The following UNC13C variants were observed in gnomAD, a reference collection of about 807,000 sequenced individuals.
UNC13C encodes the protein protein unc-13 homolog C.
In UNC13C, 174 loss-of-function variants were observed where a neutral mutation model predicts 245.4. The ratio of observed to expected loss-of-function variants is 0.71; its 90% confidence interval spans 0.63 to 0.80. UNC13C has a LOEUF of 0.80. UNC13C is among the 30% of genes least tolerant of loss of function. UNC13C has a pLI of 0.00. For synonymous variants in UNC13C, 992 were observed against 895.1 expected, an observed-to-expected ratio of 1.11 and a Z score of -1.93; for missense variants, 2,829 against 2,602.9, an observed-to-expected ratio of 1.09 and a Z score of -1.89.
At chr15:54,231,160 C>G (rs2035540745) in intron 4 of UNC13C, among the ~76,000 whole-genome samples, 2 of 152,008 alleles carry the variant, frequency 1.3e-5, no homozygotes. Flanking sequence ...ATAATACTTT[C>G]CTGAAATACA....
chr15:54,013,093 A>G lies in UNC13C; in HGVS notation c.190A>G (p.Lys64Glu), dbSNP rs1895454208. 1 of 1,613,938 alleles carries G rather than the reference A, an allele frequency of 6.2e-7. No homozygotes were observed. Among genetic ancestry groups the G allele is most frequent in the Non-Finnish European group, 8.5e-7 (1 of 1,179,868 alleles). ...TTCTTACACTTTTAAAAGCACTGTA[A>G]AGAAGATTGCAAAGTGTTCATCCAC... is the stretch of plus-strand genomic sequence containing the variant. Reference protein sequence around the residue: ...KFSYTFKSTVKKIAKCSSTHN... With the variant: ...KFSYTFKSTVEKIAKCSSTHN... The change falls in exon 2 of 33, where the codon AAG becomes GAG. Residue 64 changes from lysine (K) to glutamate (E), a missense_variant. Transcript: ENST00000260323.
At chr15:54,000,633 C>T (rs1278497586) in intron 1 of UNC13C, among the ~76,000 whole-genome samples, 1 of 152,130 alleles carries the variant, frequency 6.6e-6, no homozygotes, top group East Asian at 1.9e-4. Context: ...CCACTAATTA[C>T]TAAACCCAGT....
chr15:54,055,715 A>C (rs1404577783), intron 2 of UNC13C, among the ~76,000 whole-genome samples: 1 of 152,204 alleles, frequency 6.6e-6, no homozygotes, highest in Non-Finnish European at 1.5e-5. Context: ...TTTTGGAATA[A>C]ATTTATCCCT....
intron 18 of UNC13C, among the ~76,000 whole-genome samples, chr15:54,408,199 C>CAAACAAA (rs2040342653): frequency 5.1e-4 from 15 of 29,130 alleles, no homozygotes; most frequent in Non-Finnish European, 9.8e-4. Flanking sequence ...GACTCTGCCT[C>CAAACAAA]AAAAAAAAAA....
At chr15:53,853,838 GTTGT>G in the UNC13C span, among the ~76,000 whole-genome samples, 2 of 152,016 alleles carry the variant, frequency 1.3e-5, no homozygotes, top group Non-Finnish European at 2.9e-5. Context: ...TTTTAATGGG[GTTGT>G]TTGTTTTTTT....
intron 11 of UNC13C, among the ~76,000 whole-genome samples, chr15:54,295,472 G>GTTGTTTTTTTA (rs1259379548): frequency 6.6e-6 from 1 of 151,910 alleles, no homozygotes; most frequent in Non-Finnish European, 1.5e-5. Context: ...AACATAGTGA[G>GTTGTTTTTTTA]ACCCATCTCT....
At chr15:54,238,264 G>C (rs2035760685) in intron 7 of UNC13C, among the ~76,000 whole-genome samples, 1 of 151,928 alleles carries the variant, frequency 6.6e-6, no homozygotes, top group African/African-American at 2.4e-5. Flanking sequence ...TAGTAGAGAT[G>C]GGGTTTCACC....
At chr15:54,260,236 A>T (rs1370077072) in intron 8 of UNC13C, among the ~76,000 whole-genome samples, 1 of 152,178 alleles carries the variant, frequency 6.6e-6, no homozygotes, top group African/African-American at 2.4e-5. Context: ...ATTTGCTTGG[A>T]ATCAGCTGTT....
At chr15:54,088,199 T>C (rs1017165892) in intron 2 of UNC13C, among the ~76,000 whole-genome samples, 3 of 113,640 alleles carry the variant, frequency 2.6e-5, no homozygotes, top group Admixed American at 1.3e-4. Context: ...GGCTTCCTTT[T>C]CCTTTTTTTT....
chr15:54,223,423 G>C (rs2035285469), intron 4 of UNC13C, among the ~76,000 whole-genome samples: 2 of 151,880 alleles, frequency 1.3e-5, no homozygotes, highest in Admixed American at 1.3e-4. Context: ...TTTGTTTCTG[G>C]GTTCTCTATT....
chr15:54,171,964 A>T (rs1252549768), intron 4 of UNC13C, among the ~76,000 whole-genome samples: 1 of 152,112 alleles, frequency 6.6e-6, no homozygotes, highest in South Asian at 2.1e-4. Context: ...GTTACCATGG[A>T]TGCCAGTGGA....
chr15:54,590,706 G>T (rs995592142), intron 30 of UNC13C, among the ~76,000 whole-genome samples: 2 of 152,152 alleles, frequency 1.3e-5, no homozygotes, highest in African/African-American at 4.8e-5. Context: ...AGTCCTTAGG[G>T]TTTTTAAGGT....
intron 2 of UNC13C, among the ~76,000 whole-genome samples, chr15:54,078,770 G>A (rs965300871): frequency 6.6e-6 from 1 of 151,818 alleles, no homozygotes; most frequent in Non-Finnish European, 1.5e-5. Flanking sequence ...CTATTCTGTA[G>A]GCTGCTTCCT....
chr15:54,322,072 C>G lies in UNC13C; in HGVS notation c.4402C>G (p.Arg1468Gly). ...STNIQVSASDRFAATNFGREK... is the reference protein window; with the variant it reads ...STNIQVSASDGFAATNFGREK... ...AAACATACAGGTTTCTGCCTCAGAT[C>G]GATTTGCTGCTACCAACTTTGGTGT... The change falls in exon 14 of 33, where the codon CGA becomes GGA. Residue 1468 changes from arginine to glycine, a missense_variant. By Grantham distance (125) the Arg-to-Gly change is moderately radical (BLOSUM62 -2). Coordinates refer to ENST00000260323, the MANE Select transcript of UNC13C (RefSeq NM_001080534.3). 2.5e-6 allele frequency: 4 copies of G among 1,580,550 alleles called. No homozygotes were observed. Among genetic ancestry groups the G allele is most frequent in the Non-Finnish European group, 3.4e-6 (4 of 1,163,370 alleles).
chr15:54,278,753 G>A (rs574236173), intron 10 of UNC13C, among the ~76,000 whole-genome samples: 2 of 152,022 alleles, frequency 1.3e-5, no homozygotes, highest in Admixed American at 6.5e-5. Context: ...TTACACAATC[G>A]AGCCATGTGA....
intron 2 of UNC13C, among the ~76,000 whole-genome samples, chr15:54,019,613 C>A (rs1388978259): frequency 3.3e-5 from 5 of 152,120 alleles, no homozygotes; most frequent in African/African-American, 4.8e-5. Context: ...AGCAGAAGAC[C>A]AAAAATCTTG....
At chr15:54,156,845 A>G (rs539358098) in intron 4 of UNC13C, among the ~76,000 whole-genome samples, 1 of 151,654 alleles carries the variant, frequency 6.6e-6, no homozygotes, top group African/African-American at 2.4e-5. Flanking sequence ...ATAATTTTTG[A>G]AAGGCACCTA....
chr15:54,394,683 C>G (rs2040034527), intron 18 of UNC13C, among the ~76,000 whole-genome samples: 1 of 151,828 alleles, frequency 6.6e-6, no homozygotes, highest in African/African-American at 2.4e-5. Flanking sequence ...CTGAGAAACA[C>G]AAATTCAGTT....
chr15:54,446,897 T>C (rs1890846413), intron 19 of UNC13C, among the ~76,000 whole-genome samples: 1 of 152,212 alleles, frequency 6.6e-6, no homozygotes, highest in South Asian at 2.1e-4. Flanking sequence ...TTCCAGTTTT[T>C]GCCCATTCAG....
Sources: allele counts gnomAD v4.1 joint callset (sites outside exome capture counted in the v4.1 genomes callset), GRCh38; gene constraint gnomAD v4.1.1; transcripts MANE v1.5; gene names NCBI Gene and HGNC (gene_info 2026-07-23, HGNC 2026-07-21).